NRL: variants seen among roughly 807,000 people sequenced by gnomAD.
The protein encoded by NRL is neural retina-specific leucine zipper protein.
NRL carries 16 observed loss-of-function variants against 12.5 expected under a neutral mutation model. The observed-to-expected ratio is 1.28, with a 90% CI of 0.87 to 1.95. The LOEUF is 1.95. Among genes scored for constraint, NRL ranks in the 30% most tolerant of loss-of-function variants. The pLI, the probability that NRL is intolerant of heterozygous loss-of-function variation, is 0.00. For synonymous variants in NRL, 142 were observed against 150.9 expected (o/e 0.94, Z 0.43); for missense variants, 314 against 325.8 (o/e 0.96, Z 0.28).
In NRL at chr14:24,082,466, A is replaced by G; in HGVS notation, c.381+2T>C. Reference sequence around the variant, plus strand: ...CCTCAGGCCAGCTTGCTGACCACTCACCTGGACGTGCTGGGCTCCTGTCTC... The same window carrying G: ...CCTCAGGCCAGCTTGCTGACCACTCGCCTGGACGTGCTGGGCTCCTGTCTC... On this transcript the variant is annotated splice_donor_variant, in intron 2 of 2. Transcript: ENST00000561028. LOFTEE classifies it high-confidence loss of function. 6.2e-7 allele frequency: 1 copy of G among 1,611,674 alleles called. No individual in the cohort carries two copies. The highest frequency in any genetic ancestry group is 8.5e-7 in the Non-Finnish European group (1 of 1,179,884).
In NRL at chr14:24,091,877, G is replaced by A. The variant is rs564093134; in HGVS notation, c.-27-9002C>T. Among the ~76,000 whole-genome samples the A allele has an allele frequency of 1.1e-4, 16 of 152,224 alleles. No individual in the cohort carries two copies. The East Asian group carries it at 2.9e-3, about 28-fold the overall frequency. On this transcript the variant is annotated intron_variant, in intron 1 of 2. Transcript: ENST00000561028. The stretch of plus-strand genomic sequence containing the variant: ...AGCTTTAGAGCAGGAATGAAAGAAA[G>A]GAAAGTACACTTGGAAGAGGCCCAA...
In NRL at chr14:24,085,872, A is replaced by G. The variant is rs2036453926; in HGVS notation, c.-27-2997T>C. ...TCACCTTAAATCTACTGAGTCAGAAACTCCGGGGGTGGGGCCCAGAAATCT... is the reference window on the plus strand; with the variant it reads ...TCACCTTAAATCTACTGAGTCAGAAGCTCCGGGGGTGGGGCCCAGAAATCT... On this transcript the variant is annotated intron_variant, in intron 1 of 2. Transcript: ENST00000561028. The surrounding 1 kb of genome is among the most constrained non-coding windows in gnomAD (Gnocchi z 4.1). Among the ~76,000 whole-genome samples the G allele has an allele frequency of 6.6e-6, 1 of 152,124 alleles. No homozygotes were observed. Among genetic ancestry groups the G allele is most frequent in the South Asian group, 2.1e-4 (1 of 4,830 alleles).
intron 1 of NRL, among the ~76,000 whole-genome samples, chr14:24,090,073 C>T (rs141098500): frequency 1.3e-5 from 2 of 152,054 alleles, no homozygotes; most frequent in African/African-American, 4.8e-5. Context: ...GAAGGGTTTT[C>T]AGTAGAGACA....
In NRL at chr14:24,097,231, G is replaced by T; in HGVS notation, c.-27-14356C>A. ...TCAACTTAACTAGAACATCCCAATG[G>T]AATGAACAAGAATGAGAGCTTTGGG... is the stretch of plus-strand genomic sequence containing the variant. On this transcript the variant is annotated intron_variant, in intron 1 of 2. Coordinates refer to ENST00000561028, the MANE Select transcript of NRL (RefSeq NM_001354768.3). The T allele has an allele frequency of 6.3e-6, 7 of 1,104,098 alleles. No homozygotes were observed. The South Asian group carries it at 8.5e-5, about 13-fold the overall frequency. The allele number at this position is 1,104,098 out of a possible 1,614,324, so 68.4% of individuals were successfully genotyped here.
chr14:24,103,460 C>CA, intron 1 of NRL: 1 of 1,473,478 alleles, frequency 6.8e-7, no homozygotes, highest in Non-Finnish European at 9.2e-7. Context: ...GGTGCCCTTC[C>CA]CTACCCCAGT....
chr14:24,102,555 C>A, intron 1 of NRL: 1 of 578,248 alleles, frequency 1.7e-6, no homozygotes, highest in South Asian at 2.4e-5. Flanking sequence ...GCTCAGCTGG[C>A]CGCACCTTCA....
At chr14:24,103,063 G>A in intron 1 of NRL, 1 of 1,215,696 alleles carries the variant, frequency 8.2e-7, no homozygotes, top group Admixed American at 1.8e-5. Context: ...GATAGCCGAG[G>A]TCTTAGGAGA....
Position 24,098,555 on chromosome 14 carries a change from T to G in NRL, c.-27-15680A>C. ...CCGCATCGGGGTGCAGCTCACTGAC[T>G]CAGCCTATGTGGTGGCAAGCATGCG... On this transcript the variant is annotated intron_variant, in intron 1 of 2. Coordinates refer to ENST00000561028, the MANE Select transcript of NRL (RefSeq NM_001354768.3). 1.2e-6 allele frequency: 2 copies of G among 1,614,192 alleles called. No homozygotes were observed. Among genetic ancestry groups the G allele is most frequent in the Non-Finnish European group, 1.7e-6 (2 of 1,180,022 alleles).
intron 1 of NRL, chr14:24,084,666 G>C: frequency 2.0e-6 from 2 of 985,448 alleles, no homozygotes; most frequent in Non-Finnish European, 2.4e-6. Context: ...CATTCTTAAA[G>C]GGCCAGCTCT....
intron 1 of NRL, among the ~76,000 whole-genome samples, chr14:24,088,855 G>A (rs1306775051): frequency 1.4e-5 from 2 of 146,820 alleles, no homozygotes; most frequent in Admixed American, 1.4e-4. Context: ...CCCCAGGCTG[G>A]AGGGCAGTGG....
chr14:24,105,015 G>A (rs1288010958), intron 1 of NRL, among the ~76,000 whole-genome samples: 1 of 152,204 alleles, frequency 6.6e-6, no homozygotes, highest in Non-Finnish European at 1.5e-5. Context: ...GGGAAATCAG[G>A]GGTCTCACAG....
At position 24,081,916 on chromosome 14, in the gene NRL, C is replaced by A. The variant is rs2036323533; in HGVS notation, c.382-348G>T. ...GTCCAGTGGACCCGCACCCAGACAG[C>A]CCCCAACCCTCCAACGCGCTGCGTT... On this transcript the variant is annotated intron_variant, in intron 2 of 2. Transcript: ENST00000561028. This position sits in a 1 kb window ranked among gnomAD's most constrained non-coding sequence, Gnocchi z 4.4. The A allele has an allele frequency of 7.7e-7, 1 of 1,293,274 alleles. No homozygotes were observed. Among genetic ancestry groups the A allele is most frequent in the Non-Finnish European group, 9.9e-7 (1 of 1,011,388 alleles). The allele number at this position is 1,293,274 out of a possible 1,614,324, so 80.1% of individuals were successfully genotyped here.
chr14:24,083,837 G>A (rs1271583558), intron 1 of NRL, among the ~76,000 whole-genome samples: 2 of 152,102 alleles, frequency 1.3e-5, no homozygotes, highest in Non-Finnish European at 2.9e-5. Flanking sequence ...TTAGTAAACC[G>A]TCTGTTCAAG....
At chr14:24,113,557 G>C (rs1015395333) in intron 1 of NRL, among the ~76,000 whole-genome samples, 1 of 152,198 alleles carries the variant, frequency 6.6e-6, no homozygotes, top group African/African-American at 2.4e-5. Flanking sequence ...CCAGCAGACC[G>C]CCTACATAAT....
At chr14:24,113,825 CATCCCTGCCCTCAG>C (rs2037468801) in intron 1 of NRL, among the ~76,000 whole-genome samples, 1 of 152,362 alleles carries the variant, frequency 6.6e-6, no homozygotes, top group African/African-American at 2.4e-5. Flanking sequence ...CCCTCGCTCC[CATCCCTGCCCTCAG>C]GAGCGGGCGG....
intron 1 of NRL, chr14:24,110,638 T>C (rs925061816): frequency 2.0e-5 from 3 of 152,720 alleles, no homozygotes; most frequent in African/African-American, 7.2e-5. Context: ...CTATACTACA[T>C]GGACCATAAT....
At chr14:24,083,013 C>A in intron 1 of NRL, 138 bp from the exon 2 acceptor site, 2 of 777,880 alleles carry the variant, frequency 2.6e-6, no homozygotes, top group South Asian at 3.8e-5. Flanking sequence ...GCTCTGTTCA[C>A]TGCAGAGTCC....
Position 24,094,550 on chromosome 14 carries a change from G to T in NRL, c.-27-11675C>A. On this transcript the variant is annotated intron_variant, in intron 1 of 2. Coordinates refer to ENST00000561028, the MANE Select transcript of NRL (RefSeq NM_001354768.3). The surrounding 1 kb of genome is among the most constrained non-coding windows in gnomAD (Gnocchi z 4.1). ...CGCCAGGTTTCCCATCCTAGGCGGA[G>T]GCGGGCAGGGGCGACTGCTGTGGGT... The T allele has an allele frequency of 7.0e-7, 1 of 1,438,156 alleles. No homozygotes were observed. Among genetic ancestry groups the T allele is most frequent in the Non-Finnish European group, 9.1e-7 (1 of 1,100,540 alleles). The allele number at this position is 1,438,156 out of a possible 1,614,324, so 89.1% of individuals were successfully genotyped here. A position where few individuals can be genotyped will look rare whatever the true frequency, so the allele number is the denominator to read the frequency against.
rs1238587555 is a variant in NRL at position 24,094,815 on chromosome 14, T to C, written c.-27-11940A>G. 2.2e-6 allele frequency: 3 copies of C among 1,338,248 alleles called. No individual in the cohort carries two copies. The highest frequency in any genetic ancestry group is 4.5e-5 in the Admixed American group (2 of 44,866). The allele number at this position is 1,338,248 out of a possible 1,614,324, so 82.9% of individuals were successfully genotyped here. A position where few individuals can be genotyped will look rare whatever the true frequency, so the allele number is the denominator to read the frequency against. ...GCTCTCAGCCAGCGCCCCAGGGTAC[T>C]TCGAGAGGCAGCAGGGCCCTGGGGA... On this transcript the variant is annotated intron_variant, in intron 1 of 2. Transcript: ENST00000561028. This position sits in a 1 kb window ranked among gnomAD's most constrained non-coding sequence, Gnocchi z 4.1.
Sources: allele counts gnomAD v4.1 joint callset (sites outside exome capture counted in the v4.1 genomes callset), GRCh38; gene constraint gnomAD v4.1.1; non-coding constraint Gnocchi (gnomAD v3.1); transcripts MANE v1.5; gene names NCBI Gene and HGNC (gene_info 2026-07-23, HGNC 2026-07-21).